The following NRBP1 variants were observed in gnomAD, a reference collection of about 807,000 sequenced individuals.
The protein encoded by NRBP1 is nuclear receptor-binding protein.
A neutral mutation model predicts 76.0 loss-of-function variants in NRBP1; 10 were observed. The observed-to-expected ratio is 0.13, with a 90% CI of 0.08 to 0.22. The LOEUF (loss-of-function observed/expected upper bound fraction) is 0.22. NRBP1 is among the 10% of genes least tolerant of loss of function. The pLI is 1.00. For missense variants in NRBP1, 344 were observed against 646.0 expected, an observed-to-expected ratio of 0.53 and a Z score of 5.07; for synonymous variants, 235 against 240.2, an observed-to-expected ratio of 0.98 and a Z score of 0.20.
At chr2:27,435,704 G>A (rs1193980631) in intron 7 of NRBP1, 15 of 717,530 alleles carry the variant, frequency 2.1e-5, no homozygotes, top group Admixed American at 6.0e-5. Context: ...CCGCTTACGG[G>A]CTGCTCTGTT....
Position 27,441,181 on chromosome 2 carries a change from G to T in NRBP1, c.1383+1G>T. 1 of 1,614,078 alleles carries T rather than the reference G, an allele frequency of 6.2e-7. No homozygotes were observed. Among genetic ancestry groups the T allele is most frequent in the Non-Finnish European group, 8.5e-7 (1 of 1,180,010 alleles). ...GGTGGAGGAGGGAGTCAAACACCAC[G>T]TAAGGCTCAGGGCTAGGGTTGCGCA... On this transcript the variant is annotated splice_donor_variant, in intron 15 of 17. Transcript: ENST00000379852. LOFTEE classifies it high-confidence loss of function.
chr2:27,435,760 C>G (rs1664281990), intron 7 of NRBP1: 2 of 717,592 alleles, frequency 2.8e-6, no homozygotes, highest in Admixed American at 4.0e-5. Flanking sequence ...AGAGCTCCCT[C>G]TGCCCCACTT....
chr2:27,439,991 GATTCTTT>G, intron 11 of NRBP1, 93 bp downstream of exon 11: 1 of 356,802 alleles, frequency 2.8e-6, no homozygotes. Context: ...TTTCCAAAGG[GATTCTTT>G]TTTTTTTTTT....
chr2:27,440,604 A>G (rs369208788), intron 12 of NRBP1, 48 bp from the exon 13 acceptor site: 784 of 1,611,696 alleles, frequency 4.9e-4, no homozygotes, highest in Non-Finnish European at 5.8e-4. Flanking sequence ...TGAATTTGCT[A>G]TTTTGCTTGT....
intron 1 of NRBP1, among the ~76,000 whole-genome samples, chr2:27,431,378 A>G (rs566044481): frequency 6.6e-6 from 1 of 152,340 alleles, no homozygotes; most frequent in Admixed American, 6.5e-5. Flanking sequence ...AGCAATGTGA[A>G]TGAAATGAAA....
Position 27,433,809 on chromosome 2 carries a change from A to G in NRBP1, c.333+14A>G. The G allele has an allele frequency of 6.2e-7, 1 of 1,614,060 alleles. No homozygotes were observed. Among genetic ancestry groups the G allele is most frequent in the Non-Finnish European group, 8.5e-7 (1 of 1,179,988 alleles). On this transcript the variant is annotated intron_variant, in intron 3 of 17. Transcript: ENST00000379852. ...AAGCTGCAGGAGGTAGGTGATGCTG[A>G]AAAGGTGAAGCCTGGGGAATGTTGG...
In NRBP1 at chr2:27,435,120, A is replaced by G. The variant is rs1326611303; in HGVS notation, c.567-13A>G. On this transcript the variant is annotated splice_polypyrimidine_tract_variant and intron_variant, in intron 6 of 17. Transcript: ENST00000379852. ...TTCCCAGTGGCCCCTCTAACAGCCC[A>G]GTGCCCCCACAGCTACCTGCACTCC... is the stretch of plus-strand genomic sequence containing the variant. 9 of 1,606,840 alleles carry G rather than the reference A, an allele frequency of 5.6e-6. No homozygotes were observed. The Admixed American group carries it at 1.3e-4, about 24-fold the overall frequency.
chr2:27,429,686 A>G (rs538641727), intron 1 of NRBP1, among the ~76,000 whole-genome samples: 1 of 152,314 alleles, frequency 6.6e-6, no homozygotes, highest in South Asian at 2.1e-4. Context: ...TTGCCTGCGA[A>G]GGAAAAATTA....
intron 2 of NRBP1, 27 bp downstream of exon 2, chr2:27,433,510 G>A (rs768457195): frequency 1.2e-6 from 2 of 1,611,394 alleles, no homozygotes. Flanking sequence ...GTTACTCTTG[G>A]GTGAGTGAAT....
intron 10 of NRBP1, among the ~76,000 whole-genome samples, chr2:27,438,029 ATACAAAAAT>A (rs1664380942): frequency 1.3e-5 from 2 of 151,970 alleles, no homozygotes; most frequent in Non-Finnish European, 1.5e-5. Context: ...TCTACTAAAA[ATACAAAAAT>A]TAGCTGGGCA....
At chr2:27,438,566 G>T (rs1664404930) in intron 10 of NRBP1, among the ~76,000 whole-genome samples, 1 of 152,220 alleles carries the variant, frequency 6.6e-6, no homozygotes, top group African/African-American at 2.4e-5. Context: ...CAACATTGAG[G>T]TGGAGTATTC....
At chr2:27,435,589 A>G in intron 7 of NRBP1, 1 of 701,160 alleles carries the variant, frequency 1.4e-6, no homozygotes, top group Non-Finnish European at 2.7e-6. Flanking sequence ...TATTGTATGC[A>G]GTGTACAACA....
rs551132529 is a variant in NRBP1, at chr2:27,435,991, G to A, written c.662-762G>A. ...GATTCATGTTCTCCCTCATCATCAG[G>A]CTAGTTCCCAGATCATACTGTGCTC... On this transcript the variant is annotated intron_variant, in intron 7 of 17. Coordinates refer to ENST00000379852, the MANE Select transcript of NRBP1 (RefSeq NM_013392.4). 1.0e-5 allele frequency: 6 copies of A among 592,058 alleles called. No individual in the cohort carries two copies. In the East Asian group the frequency reaches 1.7e-4, roughly 17 times the overall value. The allele number at this position is 592,058 out of a possible 1,614,324, so 36.7% of individuals were successfully genotyped here.
chr2:27,436,592 G>A (rs1664317033), intron 7 of NRBP1, 161 bp from the exon 8 acceptor site: 2 of 620,882 alleles, frequency 3.2e-6, no homozygotes, highest in South Asian at 1.9e-5. Flanking sequence ...GCATCCATGT[G>A]TGGTCTGTAG....
intron 10 of NRBP1, among the ~76,000 whole-genome samples, chr2:27,438,366 C>G (rs572623444): frequency 6.6e-6 from 1 of 152,082 alleles, no homozygotes; most frequent in East Asian, 1.9e-4. Flanking sequence ...GGACGGTGGC[C>G]TGAAATAATG....
At chr2:27,436,875 C>G in intron 8 of NRBP1, 39 bp downstream of exon 8, 1 of 1,580,956 alleles carries the variant, frequency 6.3e-7, no homozygotes, top group Non-Finnish European at 8.7e-7. Context: ...CCTCATCCCC[C>G]TGCTTTTGCA....
At chr2:27,436,705 ATTC>A in intron 7 of NRBP1, 45 bp from the exon 8 acceptor site, 1 of 1,534,088 alleles carries the variant, frequency 6.5e-7, no homozygotes, top group Non-Finnish European at 9.0e-7. Flanking sequence ...GAGTGAGACT[ATTC>A]TTCATTGATG....
At chr2:27,438,503 G>GA (rs1453174408) in intron 10 of NRBP1, among the ~76,000 whole-genome samples, 1 of 152,212 alleles carries the variant, frequency 6.6e-6, no homozygotes, top group East Asian at 1.9e-4. Flanking sequence ...GAACAGGAGA[G>GA]AAAAGAAGAC....
Position 27,441,466 on chromosome 2 carries a change from T to C in NRBP1, c.1448-101T>C, listed in dbSNP as rs144431750. ...ATGACTATCTTAGACCCTAAAGCAGTGGGTGGATCTGACTGACAGTTTAGC... is the reference window on the plus strand; with the variant it reads ...ATGACTATCTTAGACCCTAAAGCAGCGGGTGGATCTGACTGACAGTTTAGC... On this transcript the variant is annotated intron_variant, in intron 16 of 17. Transcript: ENST00000379852. 68 of 1,458,010 alleles carry C rather than the reference T, an allele frequency of 4.7e-5. 1 individual carries two copies. The African/African-American group carries it at 7.7e-4, about 16-fold the overall frequency. 90.3% of individuals were successfully genotyped at this position (1,458,010 alleles called of 1,614,324 possible).
Sources: allele counts gnomAD v4.1 joint callset (sites outside exome capture counted in the v4.1 genomes callset), GRCh38; gene constraint gnomAD v4.1.1; transcripts MANE v1.5; gene names NCBI Gene and HGNC (gene_info 2026-07-23, HGNC 2026-07-21).